NRCAM: variants seen among roughly 807,000 people sequenced by gnomAD.
NRCAM encodes the protein neuronal cell adhesion molecule, also known as NgCAM-related cell adhesion molecule.
NRCAM carries 83 observed loss-of-function variants against 156.5 expected under a neutral mutation model. That is an observed-to-expected ratio of 0.53 (90% CI 0.44 to 0.64). The LOEUF (loss-of-function observed/expected upper bound fraction) is 0.64, where lower values mean the gene tolerates loss of function less well. Among genes scored for constraint, NRCAM ranks in the 30% least tolerant of loss-of-function variants. NRCAM has a pLI of 0.00. For synonymous variants in NRCAM, 538 were observed against 563.9 expected (o/e 0.95, Z 0.65); for missense variants, 1,417 against 1,597.3 (o/e 0.89, Z 1.92).
intron 1 of NRCAM, among the ~76,000 whole-genome samples, chr7:108,444,227 G>A (rs553610366): frequency 8.5e-5 from 13 of 152,060 alleles, no homozygotes; most frequent in Non-Finnish European, 1.2e-4. Flanking sequence ...ATACTACACC[G>A]TTTTATATCA....
At chr7:108,247,832 A>C (rs2096060846) in intron 3 of NRCAM, among the ~76,000 whole-genome samples, 1 of 152,198 alleles carries the variant, frequency 6.6e-6, no homozygotes, top group Non-Finnish European at 1.5e-5. Context: ...CAAGACAGGT[A>C]ATCTGGAGAA....
intron 2 of NRCAM, among the ~76,000 whole-genome samples, chr7:108,330,157 T>C (rs535107238): frequency 1.1e-4 from 16 of 152,334 alleles, no homozygotes; most frequent in South Asian, 2.1e-4. Flanking sequence ...ATTTATAAAA[T>C]TTAAATATGC....
intron 3 of NRCAM, among the ~76,000 whole-genome samples, chr7:108,272,150 C>A (rs2097377582): frequency 6.6e-6 from 1 of 152,200 alleles, no homozygotes; most frequent in Non-Finnish European, 1.5e-5. Flanking sequence ...CTCAAGAAGG[C>A]ATTTATGCCC....
intron 3 of NRCAM, among the ~76,000 whole-genome samples, chr7:108,311,172 A>G (rs1478344572): frequency 2.0e-5 from 3 of 152,142 alleles, no homozygotes; most frequent in Non-Finnish European, 2.9e-5. Context: ...GTGTCTTACT[A>G]CCTTATAGAT....
chr7:108,247,838 G>C (rs1241436426), intron 3 of NRCAM, among the ~76,000 whole-genome samples: 5 of 152,186 alleles, frequency 3.3e-5, no homozygotes, highest in African/African-American at 1.2e-4. Context: ...AGGTAATCTG[G>C]AGAAAGGGAG....
At chr7:108,385,867 G>A (rs1238233560) in intron 2 of NRCAM, among the ~76,000 whole-genome samples, 1 of 144,202 alleles carries the variant, frequency 6.9e-6, no homozygotes, top group African/African-American at 2.5e-5. Context: ...ATTTAATCAA[G>A]TGAGATCTTA....
At chr7:108,367,566 T>C (rs1595342890) in intron 2 of NRCAM, among the ~76,000 whole-genome samples, 1 of 152,188 alleles carries the variant, frequency 6.6e-6, no homozygotes, top group Non-Finnish European at 1.5e-5. Flanking sequence ...GGCAGCTATT[T>C]TGTAAGCAGA....
In NRCAM at chr7:108,260,055, G is replaced by A. The variant is rs145549891; in HGVS notation, c.-106-19885C>T. 1.5e-3 allele frequency among the ~76,000 whole-genome samples: 185 copies of A among 124,036 alleles called. 2 individuals carry two copies. Among genetic ancestry groups the A allele is most frequent in the Non-Finnish European group, 3.5e-4 (21 of 59,436 alleles). The allele number at this position is 124,036 out of a possible 152,430, so 81.4% of individuals were successfully genotyped here. A position where few individuals can be genotyped will look rare whatever the true frequency, so the allele number is the denominator to read the frequency against. On this transcript the variant is annotated intron_variant, in intron 3 of 32. Coordinates refer to ENST00000379028, the MANE Select transcript of NRCAM (RefSeq NM_001037132.4). ...AAATAAACCTCTTAATTGTCTGGAGGCTCAGACAATTTCCATGAGGAAGAG... is the reference window on the plus strand; with the variant it reads ...AAATAAACCTCTTAATTGTCTGGAGACTCAGACAATTTCCATGAGGAAGAG...
At chr7:108,223,602 T>C in intron 11 of NRCAM, 123 bp downstream of exon 11, 1 of 476,902 alleles carries the variant, frequency 2.1e-6, no homozygotes, top group South Asian at 4.9e-5. Flanking sequence ...TACCAAATTT[T>C]TCTTGATGCT....
chr7:108,231,400 T>C (rs191933088), intron 7 of NRCAM, among the ~76,000 whole-genome samples: 1 of 152,222 alleles, frequency 6.6e-6, no homozygotes, highest in African/African-American at 2.4e-5. Context: ...TGAGAATTTA[T>C]ACTACATACA....
intron 3 of NRCAM, among the ~76,000 whole-genome samples, chr7:108,298,661 C>A (rs4727705): frequency 0.82 from 123,246 of 150,744 alleles, 50,537 homozygotes; most frequent in East Asian, 0.98. Flanking sequence ...TCAAAAAAAA[C>A]CAAAAAAACA....
In NRCAM at chr7:108,184,490, G is replaced by A. The variant is rs1379623312; in HGVS notation, c.2160C>T (p.Arg720=). The change falls in exon 21 of 33, where the codon CGC becomes CGT. Residue 720 remains arginine, a synonymous_variant. Transcript: ENST00000379028. The part of the protein sequence containing the change: ...KLSPYVNYSF[R]VMAVNSIGKS... Reference sequence around the variant, plus strand: ...TCCCAATGCTGTTCACTGCCATCACGCGGAAGGAGTAGTTCACGTAAGGAG... The same window carrying A: ...TCCCAATGCTGTTCACTGCCATCACACGGAAGGAGTAGTTCACGTAAGGAG... 5 of 1,614,022 alleles carry A rather than the reference G, an allele frequency of 3.1e-6. No individual in the cohort carries two copies. Among genetic ancestry groups the A allele is most frequent in the South Asian group, 1.1e-5 (1 of 91,092 alleles).
At chr7:108,216,891 C>T (rs2089332134) in intron 11 of NRCAM, among the ~76,000 whole-genome samples, 1 of 152,106 alleles carries the variant, frequency 6.6e-6, no homozygotes, top group Non-Finnish European at 1.5e-5. Context: ...TTTACTATTA[C>T]CCACCTTCTG....
intron 3 of NRCAM, among the ~76,000 whole-genome samples, chr7:108,248,080 C>T (rs963492058): frequency 1.3e-5 from 2 of 152,182 alleles, no homozygotes; most frequent in Non-Finnish European, 2.9e-5. Flanking sequence ...GAAACAAGCT[C>T]TAGCTCTATT....
rs1304204337 is a variant in NRCAM, at chr7:108,354,178, T to C, written c.-173-41447A>G. Among the ~76,000 whole-genome samples the C allele has an allele frequency of 3.9e-5, 6 of 152,272 alleles. No homozygotes were observed. The East Asian group carries it at 7.7e-4, about 20-fold the overall frequency. ...CAATGCAAAAATGTATAAATATAAA[T>C]AGGATTTCCAAGAAATATATAAATG... On this transcript the variant is annotated intron_variant, in intron 2 of 32. Transcript: ENST00000379028.
At chr7:108,294,772 T>C (rs886842153) in intron 3 of NRCAM, among the ~76,000 whole-genome samples, 2 of 152,206 alleles carry the variant, frequency 1.3e-5, no homozygotes, top group Non-Finnish European at 2.9e-5. Flanking sequence ...AAGCAGCCCC[T>C]TGTCTAGCTC....
chr7:108,320,992 A>G (rs1463606352), intron 2 of NRCAM, among the ~76,000 whole-genome samples: 2 of 152,266 alleles, frequency 1.3e-5, no homozygotes. Flanking sequence ...GGAAACATCA[A>G]ACTTTTAATT....
intron 1 of NRCAM, among the ~76,000 whole-genome samples, chr7:108,430,817 C>A (rs1405447077): frequency 6.6e-6 from 1 of 152,250 alleles, no homozygotes; most frequent in Non-Finnish European, 1.5e-5. Context: ...GTGATTTTAA[C>A]AACTTTCCTA....
chr7:108,418,560 TACACACACACACACACACACAC>T (rs59582056), intron 1 of NRCAM, among the ~76,000 whole-genome samples: 1 of 143,622 alleles, frequency 7.0e-6, no homozygotes, highest in African/African-American at 2.6e-5. Context: ...ATACATATTA[TACACACACACACACACACACAC>T]ACACACACAC....
Sources: allele counts gnomAD v4.1 joint callset (sites outside exome capture counted in the v4.1 genomes callset), GRCh38; gene constraint gnomAD v4.1.1; transcripts MANE v1.5; gene names NCBI Gene and HGNC (gene_info 2026-07-23, HGNC 2026-07-21).